Variants in ATPAF1 observed in about 807,000 individuals in gnomAD.
ATPAF1 encodes homolog of yeast ATP11.
A neutral mutation model predicts 43.9 loss-of-function variants in ATPAF1; 26 were observed. That is an observed-to-expected ratio of 0.59 (90% CI 0.43 to 0.82). ATPAF1 has a LOEUF of 0.82. Among genes scored for constraint, ATPAF1 ranks in the 40% least tolerant of loss-of-function variants. The pLI is 0.00. For synonymous variants in ATPAF1, 157 were observed against 168.0 expected (o/e 0.93, Z 0.50); for missense variants, 366 against 435.0 (o/e 0.84, Z 1.41).
chr1:46,668,376 C>A, upstream of ATPAF1: 2 of 1,258,940 alleles, frequency 1.6e-6, no homozygotes, highest in Non-Finnish European at 1.0e-6. This position sits in a 1 kb window ranked among gnomAD's most constrained non-coding sequence, Gnocchi z 4.4. Context: ...GCCCGCGGCC[C>A]GCGCGCCCGC....
At chr1:46,668,394 C>A, upstream of ATPAF1, 1 of 1,196,756 alleles carries the variant, frequency 8.4e-7, no homozygotes, top group African/African-American at 1.6e-5. The surrounding 1 kb of genome is among the most constrained non-coding windows in gnomAD (Gnocchi z 4.4). Flanking sequence ...CGCTCCATCC[C>A]GCTCCGAGTG....
chr1:46,665,162 A>T (rs1676465846), intron 2 of ATPAF1, 94 bp downstream of exon 2: 2 of 1,155,108 alleles, frequency 1.7e-6, no homozygotes, highest in Non-Finnish European at 2.6e-6. Context: ...CACCCAGCTG[A>T]CCCATCAATA....
chr1:46,658,851 C>T (rs1676328992), intron 2 of ATPAF1, 114 bp from the exon 3 acceptor site: 1 of 593,256 alleles, frequency 1.7e-6, no homozygotes, highest in South Asian at 3.0e-5. Context: ...GAACTCACTT[C>T]TCTCCACTTT....
chr1:46,663,380 C>A (rs1676430516), intron 2 of ATPAF1, among the ~76,000 whole-genome samples: 1 of 152,196 alleles, frequency 6.6e-6, no homozygotes, highest in African/African-American at 2.4e-5. Flanking sequence ...AATGTTTGAA[C>A]TAGTTTACAG....
At chr1:46,654,414 C>T (rs910178372) in intron 4 of ATPAF1, among the ~76,000 whole-genome samples, 2 of 152,084 alleles carry the variant, frequency 1.3e-5, no homozygotes, top group East Asian at 3.8e-4. Flanking sequence ...CTTAGCTCAG[C>T]ACTTGTCACA....
In ATPAF1 at chr1:46,658,207, A is replaced by AAAGCAATT. The variant is rs1676310998; in HGVS notation, c.427-26_427-19dup. 1 of 1,573,562 alleles carries AAAGCAATT rather than the reference A, an allele frequency of 6.4e-7. No individual in the cohort carries two copies. Among genetic ancestry groups the AAAGCAATT allele is most frequent in the African/African-American group, 1.4e-5 (1 of 70,996 alleles). On this transcript the variant is annotated intron_variant, in intron 3 of 8. Transcript: ENST00000574428. ...CTGAGAGTCTTGAAAGAGACAATAA[A>AAAGCAATT]AAGCAATTAACACATAATTAAAAAA...
At chr1:46,648,140 C>A (rs968958331) in intron 6 of ATPAF1, among the ~76,000 whole-genome samples, 1 of 152,148 alleles carries the variant, frequency 6.6e-6, no homozygotes, top group African/African-American at 2.4e-5. Context: ...GAGACAGAAT[C>A]TCACTCTGTC....
At chr1:46,651,155 C>G (rs986372748) in intron 6 of ATPAF1, among the ~76,000 whole-genome samples, 3 of 152,124 alleles carry the variant, frequency 2.0e-5, no homozygotes, top group East Asian at 3.9e-4. Context: ...CCCACTCCCC[C>G]CACCCCACAA....
chr1:46,643,282 G>A (rs1675981933), exon 8 of ATPAF1: 1 of 1,613,284 alleles, frequency 6.2e-7, no homozygotes, highest in Non-Finnish European at 8.5e-7. Context: ...CAGCTGGCTG[G>A]CTGCAGCTTC....
intron 2 of ATPAF1, among the ~76,000 whole-genome samples, chr1:46,659,934 A>G (rs1353291154): frequency 3.3e-5 from 5 of 151,852 alleles, no homozygotes; most frequent in African/African-American, 9.7e-5. Context: ...CCGTTCCTTC[A>G]TATGTAAACC....
Position 46,639,790 on chromosome 1 carries a change from A to G in ATPAF1, c.792+3404T>C, listed in dbSNP as rs17415726. Among the ~76,000 whole-genome samples, 902 of 152,314 alleles carry G rather than the reference A, an allele frequency of 5.9e-3. 11 individuals carry two copies. The highest frequency in any genetic ancestry group is 0.033 in the East Asian group (173 of 5,182). On this transcript the variant is annotated intron_variant, in intron 8 of 8. Coordinates refer to ENST00000574428, the Ensembl canonical transcript of ATPAF1. ...ACATCGGAACCTCACAGTCAAGTTG[A>G]TTTATACAAGGCAAATATGTATTGT...
intron 6 of ATPAF1, among the ~76,000 whole-genome samples, chr1:46,652,034 A>G (rs1676178496): frequency 6.6e-6 from 1 of 152,172 alleles, no homozygotes; most frequent in Non-Finnish European, 1.5e-5. Context: ...TCAAGTAGCT[A>G]GAAGAATGGA....
In ATPAF1 at chr1:46,668,008, C is replaced by T; in HGVS notation, c.266+49G>A. On this transcript the variant is annotated intron_variant, in intron 1 of 8. Coordinates refer to ENST00000574428, the Ensembl canonical transcript of ATPAF1. This position sits in a 1 kb window ranked among gnomAD's most constrained non-coding sequence, Gnocchi z 4.4. ...TGTCCTAAGGCCCAGCAGCCCGGGC[C>T]GCCCCTCCTCCCGCCTCCTGCCCGC... The T allele has an allele frequency of 2.3e-6, 3 of 1,319,162 alleles. No homozygotes were observed. Among genetic ancestry groups the T allele is most frequent in the Non-Finnish European group, 1.9e-6 (2 of 1,034,396 alleles). The allele number at this position is 1,319,162 out of a possible 1,614,324, so 81.7% of individuals were successfully genotyped here. A position where few individuals can be genotyped will look rare whatever the true frequency, so the allele number is the denominator to read the frequency against.
At chr1:46,656,897 G>A (rs796734160) in intron 4 of ATPAF1, among the ~76,000 whole-genome samples, 3 of 152,282 alleles carry the variant, frequency 2.0e-5, no homozygotes, top group African/African-American at 7.2e-5. Flanking sequence ...TGGGGATGAG[G>A]ATTCTCTCAT....
chr1:46,645,268 A>G lies in ATPAF1; in HGVS notation c.589-12T>C. The stretch of plus-strand genomic sequence containing the variant: ...AGAGCACATAGAAACTGTGAAAAAC[A>G]GATATACAAGGAGACAGATGAATAA... On this transcript the variant is annotated splice_polypyrimidine_tract_variant and intron_variant, in intron 6 of 8. Transcript: ENST00000574428. 1.3e-6 allele frequency: 2 copies of G among 1,579,740 alleles called. No individual in the cohort carries two copies. The highest frequency in any genetic ancestry group is 1.7e-6 in the Non-Finnish European group (2 of 1,149,064).
intron 7 of ATPAF1, among the ~76,000 whole-genome samples, chr1:46,644,391 CATAAT>C (rs1309650851): frequency 2.0e-5 from 3 of 152,224 alleles, no homozygotes; most frequent in East Asian, 3.9e-4. Flanking sequence ...GATTAAATGA[CATAAT>C]ATATATAAAA....
chr1:46,642,315 A>G (rs1022778252), intron 8 of ATPAF1, among the ~76,000 whole-genome samples: 3 of 152,230 alleles, frequency 2.0e-5, no homozygotes, highest in Admixed American at 2.0e-4. Flanking sequence ...TAAGAGAAAG[A>G]GAAAAAATAA....
At chr1:46,649,593 T>A (rs1005367736) in intron 6 of ATPAF1, among the ~76,000 whole-genome samples, 5 of 152,192 alleles carry the variant, frequency 3.3e-5, no homozygotes, top group African/African-American at 1.2e-4. Context: ...AGTATTGTAT[T>A]TCATCTAGAG....
intron 1 of ATPAF1, 96 bp downstream of exon 1, chr1:46,667,957 CAGTA>C: frequency 1.1e-6 from 1 of 938,870 alleles, no homozygotes; most frequent in African/African-American, 1.7e-5. Flanking sequence ...AGAGCTGGGA[CAGTA>C]CTAGTGCCCA....
Sources: gnomAD v4.1 joint callset for allele counts (sites outside exome capture counted in the v4.1 genomes callset) on GRCh38, gnomAD v4.1.1 for gene constraint, Gnocchi (gnomAD v3.1) non-coding constraint, MANE v1.5 for transcripts, NCBI Gene and HGNC (gene_info 2026-07-23, HGNC 2026-07-21) for gene names.